The following UFD1 variants were observed in gnomAD, a reference collection of about 807,000 sequenced individuals.
The protein encoded by UFD1 is ubiquitin recognition factor in ER-associated degradation protein 1.
In UFD1, 13 loss-of-function variants were observed where a neutral mutation model predicts 45.9. That is an observed-to-expected ratio of 0.28 (90% CI 0.18 to 0.45). The LOEUF is 0.45. Ranked by LOEUF, UFD1 falls within the 20% of genes least tolerant of loss-of-function variation. The pLI is 1.00. For synonymous variants in UFD1, 128 were observed against 139.2 expected (o/e 0.92, Z 0.56); for missense variants, 218 against 389.2 (o/e 0.56, Z 3.70).
chr22:19,472,676 A>G (rs1045035945), intron 3 of UFD1, among the ~76,000 whole-genome samples: 36 of 152,232 alleles, frequency 2.4e-4, no homozygotes, highest in African/African-American at 8.4e-4. Flanking sequence ...GGTGTTTGCC[A>G]TGTGTAAGGC....
At chr22:19,451,166 A>G in intron 11 of UFD1, 8 of 988,416 alleles carry the variant, frequency 8.1e-6, no homozygotes, top group Non-Finnish European at 9.6e-6. Flanking sequence ...TCACCCAAAA[A>G]CATTTCAGGT....
At chr22:19,476,758 G>A (rs1223277496) in intron 1 of UFD1, among the ~76,000 whole-genome samples, 1 of 151,990 alleles carries the variant, frequency 6.6e-6, no homozygotes, top group Non-Finnish European at 1.5e-5. Context: ...TATAATCCCA[G>A]CACTTTGGGA....
intron 6 of UFD1, among the ~76,000 whole-genome samples, chr22:19,458,591 G>A (rs1170977678): frequency 1.3e-5 from 2 of 152,124 alleles, no homozygotes; most frequent in Non-Finnish European, 2.9e-5. Flanking sequence ...CTATAGGCAT[G>A]TGCCACTACA....
chr22:19,454,410 G>A, intron 11 of UFD1: 1 of 785,292 alleles, frequency 1.3e-6, no homozygotes, highest in Non-Finnish European at 1.6e-6. Context: ...CATGAGGGCG[G>A]GTCTTTTCCG....
chr22:19,476,483 T>A (rs2089882297), intron 1 of UFD1, among the ~76,000 whole-genome samples: 1 of 152,110 alleles, frequency 6.6e-6, no homozygotes. Flanking sequence ...ATTAAAAAGA[T>A]AAGATCCTAG....
chr22:19,469,864 G>A (rs765050892), intron 4 of UFD1: 6 of 500,738 alleles, frequency 1.2e-5, no homozygotes, highest in Non-Finnish European at 2.0e-5. Context: ...GGGGAGAAAG[G>A]GTTCAATTAG....
At chr22:19,464,901 A>C (rs541165219) in intron 6 of UFD1, among the ~76,000 whole-genome samples, 1 of 152,328 alleles carries the variant, frequency 6.6e-6, no homozygotes, top group Non-Finnish European at 1.5e-5. Flanking sequence ...CTCAGATTAG[A>C]GGTGCAGTGG....
chr22:19,464,078 T>G (rs1178574486), intron 6 of UFD1, among the ~76,000 whole-genome samples: 1 of 152,138 alleles, frequency 6.6e-6, no homozygotes, highest in Non-Finnish European at 1.5e-5. Context: ...CTTAGTTTAT[T>G]AAAAGGAAAA....
intron 7 of UFD1, 45 bp downstream of exon 7, chr22:19,458,026 T>C (rs751275069): frequency 6.2e-7 from 1 of 1,609,826 alleles, no homozygotes; most frequent in South Asian, 1.1e-5. Flanking sequence ...CAACTGCCCA[T>C]CCTCCCAGGG....
chr22:19,475,642 A>T (rs2089876078), intron 1 of UFD1, 40 bp from the exon 2 acceptor site: 1 of 1,611,470 alleles, frequency 6.2e-7, no homozygotes, highest in African/African-American at 1.3e-5. Flanking sequence ...AAACAAAGGT[A>T]CATTTCTTCA....
chr22:19,450,920 G>C, intron 11 of UFD1, 176 bp from the exon 12 acceptor site: 2 of 1,385,346 alleles, frequency 1.4e-6, no homozygotes, highest in Non-Finnish European at 1.9e-6. Flanking sequence ...AGGATCACTT[G>C]AGCCCAGGAG....
intron 6 of UFD1, among the ~76,000 whole-genome samples, chr22:19,462,249 C>G (rs544486069): frequency 6.6e-6 from 1 of 152,190 alleles, no homozygotes; most frequent in Non-Finnish European, 1.5e-5. Context: ...ATCCACCCAC[C>G]TCAGCCTCCC....
At chr22:19,459,222 ATGG>A (rs2089746358) in intron 6 of UFD1, among the ~76,000 whole-genome samples, 1 of 152,252 alleles carries the variant, frequency 6.6e-6, no homozygotes, top group African/African-American at 2.4e-5. Context: ...CAGTTATACA[ATGG>A]TATGCTACGC....
intron 2 of UFD1, 151 bp downstream of exon 2, chr22:19,475,319 C>A: frequency 3.1e-6 from 4 of 1,287,274 alleles, no homozygotes; most frequent in Non-Finnish European, 1.1e-6. Context: ...GCACCCCACC[C>A]CAACAGAGCA....
In UFD1 at chr22:19,456,464, A is replaced by C. The variant is rs1291530293; in HGVS notation, c.678+123T>G. On this transcript the variant is annotated intron_variant, in intron 9 of 11. Transcript: ENST00000263202. Reference sequence around the variant, plus strand: ...GCGAGTGGCAGATTTGCATATGCACAGGTACCCAGAGGCCTAACCCCTGCT... The same window carrying C: ...GCGAGTGGCAGATTTGCATATGCACCGGTACCCAGAGGCCTAACCCCTGCT... 3.9e-6 allele frequency: 5 copies of C among 1,294,492 alleles called. No individual in the cohort carries two copies. In the Admixed American group the frequency reaches 6.9e-5, roughly 18 times the overall value. 80.2% of individuals were successfully genotyped at this position (1,294,492 alleles called of 1,614,324 possible).
intron 6 of UFD1, among the ~76,000 whole-genome samples, chr22:19,460,517 G>A (rs1008104220): frequency 6.6e-6 from 1 of 151,886 alleles, no homozygotes; most frequent in Non-Finnish European, 1.5e-5. Context: ...TTTCTAGGTT[G>A]GTGCTCCTCA....
chr22:19,471,880 A>T, intron 3 of UFD1, 72 bp from the exon 4 acceptor site: 1 of 1,553,968 alleles, frequency 6.4e-7, no homozygotes, highest in Non-Finnish European at 8.7e-7. Flanking sequence ...GCCTTCCCAT[A>T]GAAGGAGCCT....
At chr22:19,475,332 TCAGGGATAAA>T in intron 2 of UFD1, 128 bp downstream of exon 2, 1 of 1,362,388 alleles carries the variant, frequency 7.3e-7, no homozygotes, top group Non-Finnish European at 1.0e-6. Context: ...ACAGAGCAAG[TCAGGGATAAA>T]TCCCAGCACC....
At chr22:19,458,257 C>T (rs1044394525) in intron 6 of UFD1, 118 bp from the exon 7 acceptor site, 1 of 1,027,928 alleles carries the variant, frequency 9.7e-7, no homozygotes, top group Non-Finnish European at 1.5e-6. Context: ...ATGCCCATGA[C>T]ACAACCTACA....
Sources: allele counts gnomAD v4.1 joint callset (sites outside exome capture counted in the v4.1 genomes callset), GRCh38; gene constraint gnomAD v4.1.1; transcripts MANE v1.5; gene names NCBI Gene and HGNC (gene_info 2026-07-23, HGNC 2026-07-21).